Variants in VTI1A observed in about 807,000 individuals in gnomAD.
The protein encoded by VTI1A is vesicle transport through interaction with t-SNAREs homolog 1A.
In VTI1A, 22 loss-of-function variants were observed where a neutral mutation model predicts 34.9. The observed-to-expected ratio is 0.63, with a 90% CI of 0.45 to 0.90. VTI1A has a LOEUF of 0.90. Ranked by LOEUF, VTI1A falls within the 40% of genes least tolerant of loss-of-function variation. VTI1A has a pLI of 0.00. For missense variants in VTI1A, 268 were observed against 275.6 expected, an observed-to-expected ratio of 0.97 and a Z score of 0.20; for synonymous variants, 87 against 97.3, an observed-to-expected ratio of 0.89 and a Z score of 0.62.
chr10:112,699,226 G>GT (rs1848904308), intron 7 of VTI1A, among the ~76,000 whole-genome samples: 1 of 152,190 alleles, frequency 6.6e-6, no homozygotes, highest in Non-Finnish European at 1.5e-5. Flanking sequence ...ACCTGTCATT[G>GT]GTGGTATCTT....
intron 7 of VTI1A, among the ~76,000 whole-genome samples, chr10:112,803,456 A>G (rs1482238674): frequency 6.6e-6 from 1 of 152,218 alleles, no homozygotes; most frequent in Non-Finnish European, 1.5e-5. Context: ...TCAGGTACAG[A>G]CACCGTTAGA....
At chr10:112,641,119 C>A (rs993276608) in intron 5 of VTI1A, among the ~76,000 whole-genome samples, 1 of 150,802 alleles carries the variant, frequency 6.6e-6, no homozygotes, top group African/African-American at 2.4e-5. Context: ...AGTTGGGGGG[C>A]AGATAGCAAA....
At chr10:112,470,977 G>C (rs1469991285) in intron 3 of VTI1A, among the ~76,000 whole-genome samples, 3 of 152,146 alleles carry the variant, frequency 2.0e-5, no homozygotes, top group East Asian at 3.9e-4. Context: ...AGCCAATACG[G>C]GTCAGGGTGG....
At chr10:112,526,944 C>T in intron 3 of VTI1A, 143 bp from the exon 4 acceptor site, 1 of 622,854 alleles carries the variant, frequency 1.6e-6, no homozygotes, top group African/African-American at 1.8e-5. Context: ...GAACTTTACA[C>T]AACTTTGGTG....
intron 5 of VTI1A, among the ~76,000 whole-genome samples, chr10:112,582,517 T>C: frequency 6.6e-6 from 1 of 152,114 alleles, no homozygotes; most frequent in East Asian, 1.9e-4. Flanking sequence ...CTTCTCCAGA[T>C]CTCATGGTGA....
chr10:112,811,880 C>T (rs1853330218), intron 7 of VTI1A, among the ~76,000 whole-genome samples: 1 of 152,084 alleles, frequency 6.6e-6, no homozygotes, highest in African/African-American at 2.4e-5. Context: ...ATTCCGGCTG[C>T]CACACGCAGG....
At chr10:112,502,621 A>G (rs1221639183) in intron 3 of VTI1A, among the ~76,000 whole-genome samples, 5 of 152,214 alleles carry the variant, frequency 3.3e-5, no homozygotes, top group African/African-American at 4.8e-5. Context: ...TTTTGCTAAA[A>G]GTGAACTGGT....
At chr10:112,748,686 C>T (rs905405111) in intron 7 of VTI1A, among the ~76,000 whole-genome samples, 5 of 131,776 alleles carry the variant, frequency 3.8e-5, no homozygotes, top group African/African-American at 9.1e-5. Context: ...AGTGCAGTGG[C>T]GCGATCTCGG....
intron 7 of VTI1A, among the ~76,000 whole-genome samples, chr10:112,686,455 C>A (rs1020687952): frequency 1.3e-5 from 2 of 152,172 alleles, no homozygotes; most frequent in Non-Finnish European, 2.9e-5. Flanking sequence ...GGGGGCCATA[C>A]AAACTATTTC....
intron 5 of VTI1A, among the ~76,000 whole-genome samples, chr10:112,583,432 G>T (rs537854920): frequency 6.6e-6 from 1 of 152,180 alleles, no homozygotes; most frequent in Admixed American, 6.5e-5. Context: ...TGTCCTAAGC[G>T]CCTTTGTTTG....
At chr10:112,830,204 CA>C in the VTI1A span, among the ~76,000 whole-genome samples, 1 of 152,140 alleles carries the variant, frequency 6.6e-6, no homozygotes, top group Non-Finnish European at 1.5e-5. Flanking sequence ...CCTTCTGGTT[CA>C]AAAGCCTCTG....
intron 1 of VTI1A, among the ~76,000 whole-genome samples, chr10:112,452,941 C>T (rs530372186): frequency 1.2e-4 from 10 of 81,874 alleles, no homozygotes; most frequent in East Asian, 4.2e-4. Context: ...ATTCAGATTT[C>T]GTTTTGTTCT....
Position 112,654,694 on chromosome 10 carries a change from C to T in VTI1A, c.428-13524C>T, listed in dbSNP as rs192245513. Among the ~76,000 whole-genome samples, 225 of 152,150 alleles carry T rather than the reference C, an allele frequency of 1.5e-3. 3 individuals carry two copies. The highest frequency in any genetic ancestry group is 4.8e-3 in the African/African-American group (200 of 41,520). The stretch of plus-strand genomic sequence containing the variant: ...ATTTTTAGTAGAGACGGGGTTTCAC[C>T]GTGGGCTCGATCTCCTGACCTGGTG... On this transcript the variant is annotated intron_variant, in intron 5 of 7. Coordinates refer to ENST00000393077, the MANE Select transcript of VTI1A (RefSeq NM_145206.4).
In VTI1A at chr10:112,593,903, A is replaced by ATTTT. The variant is rs1554914706; in HGVS notation, c.427+55580_427+55583dup. ...AGGTGCCCGCCACCACGCCCGGCTA[A>ATTTT]TTTTTTTTTTATTATTATTATTTTG... is the stretch of plus-strand genomic sequence containing the variant. On this transcript the variant is annotated intron_variant, in intron 5 of 7. Coordinates refer to ENST00000393077, the MANE Select transcript of VTI1A (RefSeq NM_145206.4). Among the ~76,000 whole-genome samples the ATTTT allele has an allele frequency of 8.6e-4, 67 of 78,138 alleles. No individual in the cohort carries two copies. The South Asian group carries it at 0.018, about 21-fold the overall frequency. The allele number at this position is 78,138 out of a possible 152,430, so 51.3% of individuals were successfully genotyped here.
intron 7 of VTI1A, among the ~76,000 whole-genome samples, chr10:112,673,180 G>T (rs975252181): frequency 4.6e-5 from 7 of 151,882 alleles, no homozygotes; most frequent in Admixed American, 2.6e-4. Flanking sequence ...AATTCGCCAG[G>T]TGCAGTAGCT....
intron 5 of VTI1A, among the ~76,000 whole-genome samples, chr10:112,649,900 C>T (rs1406746985): frequency 1.3e-5 from 2 of 152,112 alleles, no homozygotes; most frequent in Non-Finnish European, 2.9e-5. Context: ...GGGACACTCA[C>T]CATGAATATG....
At chr10:112,464,007 A>G (rs1847814652) in intron 2 of VTI1A, among the ~76,000 whole-genome samples, 1 of 152,084 alleles carries the variant, frequency 6.6e-6, no homozygotes, top group Non-Finnish European at 1.5e-5. Flanking sequence ...GTTTTATTTT[A>G]TTTTTGAGAT....
intron 5 of VTI1A, among the ~76,000 whole-genome samples, chr10:112,562,396 A>C (rs367822070): frequency 6.6e-6 from 1 of 152,266 alleles, no homozygotes; most frequent in African/African-American, 2.4e-5. Flanking sequence ...ATGAAATGTC[A>C]GTATATTTAG....
At chr10:112,815,049 G>A (rs572144663) in intron 7 of VTI1A, among the ~76,000 whole-genome samples, 5 of 151,890 alleles carry the variant, frequency 3.3e-5, no homozygotes, top group East Asian at 1.9e-4. Context: ...AGCATTTCTC[G>A]GAGGGCAGCG....
Sources: allele counts gnomAD v4.1 joint callset (sites outside exome capture counted in the v4.1 genomes callset), GRCh38; gene constraint gnomAD v4.1.1; transcripts MANE v1.5; gene names NCBI Gene and HGNC (gene_info 2026-07-23, HGNC 2026-07-21).